KIF2C: variants seen among roughly 807,000 people sequenced by gnomAD.
The protein encoded by KIF2C is kinesin family member 2C.
Under a neutral mutation model 97.4 loss-of-function variants are expected in KIF2C, and 34 were observed. The ratio of observed to expected loss-of-function variants is 0.35; its 90% CI spans 0.27 to 0.46. The LOEUF is 0.46. KIF2C is among the 20% of genes least tolerant of loss of function. The pLI is 1.00. For synonymous variants in KIF2C, 313 were observed against 318.2 expected, an observed-to-expected ratio of 0.98 and a Z score of 0.17; for missense variants, 750 against 907.6, an observed-to-expected ratio of 0.83 and a Z score of 2.23.
At chr1:44,742,022 A>G (rs1648959021) in intron 2 of KIF2C, among the ~76,000 whole-genome samples, 1 of 149,730 alleles carries the variant, frequency 6.7e-6, no homozygotes, top group Admixed American at 6.6e-5. Flanking sequence ...AAAAAAAAGA[A>G]TGGTCCCCTT....
chr1:44,752,922 C>T (rs960931510), intron 5 of KIF2C, among the ~76,000 whole-genome samples: 2 of 152,174 alleles, frequency 1.3e-5, no homozygotes, highest in African/African-American at 4.8e-5. Context: ...GTTCACATAC[C>T]CTTTAAGATA....
intron 19 of KIF2C, among the ~76,000 whole-genome samples, chr1:44,764,585 C>G (rs1256045548): frequency 1.3e-5 from 2 of 152,008 alleles, no homozygotes; most frequent in African/African-American, 4.8e-5. Context: ...TCTCGGCTCA[C>G]CACAACCTCC....
chr1:44,757,722 T>C (rs750381337), intron 11 of KIF2C, 76 bp downstream of exon 11: 49 of 1,202,260 alleles, frequency 4.1e-5, no homozygotes, highest in Non-Finnish European at 5.9e-5. Flanking sequence ...AGACAATGAG[T>C]TTGTTGAGAA....
At chr1:44,752,999 C>A (rs1649606744) in intron 5 of KIF2C, 133 bp from the exon 6 acceptor site, 2 of 1,110,092 alleles carry the variant, frequency 1.8e-6, no homozygotes, top group African/African-American at 3.2e-5. Flanking sequence ...GGGAAAAGCA[C>A]AAGCTCTGCA....
chr1:44,746,014 T>C (rs1218591057), intron 2 of KIF2C, among the ~76,000 whole-genome samples: 2 of 152,048 alleles, frequency 1.3e-5, no homozygotes, highest in African/African-American at 4.8e-5. Context: ...GTAGCTGGGA[T>C]TACAGGTGCA....
chr1:44,750,440 A>G lies in KIF2C; in HGVS notation c.317-2A>G, dbSNP rs1649445736. ...GACTGGCTACTGCTCTCGGTTCTCCAGGTCTTCGAAGCCGCTCCACTCGCA... is the reference window on the plus strand; with the variant it reads ...GACTGGCTACTGCTCTCGGTTCTCCGGGTCTTCGAAGCCGCTCCACTCGCA... On this transcript the variant is annotated splice_acceptor_variant, in intron 4 of 20. Coordinates refer to ENST00000372224, the MANE Select transcript of KIF2C (RefSeq NM_006845.4). LOFTEE classifies it high-confidence loss of function. 1.4e-6 allele frequency: 2 copies of G among 1,463,630 alleles called. No individual in the cohort carries two copies. Among genetic ancestry groups the G allele is most frequent in the Admixed American group, 2.2e-5 (1 of 45,424 alleles). The allele number at this position is 1,463,630 out of a possible 1,614,324, so 90.7% of individuals were successfully genotyped here.
At chr1:44,755,223 G>A (rs1263011152) in intron 8 of KIF2C, among the ~76,000 whole-genome samples, 2 of 152,114 alleles carry the variant, frequency 1.3e-5, no homozygotes, top group African/African-American at 4.8e-5. Flanking sequence ...TTCCCAAAGT[G>A]CTGGGATTAC....
intron 2 of KIF2C, among the ~76,000 whole-genome samples, chr1:44,745,927 A>G (rs1449253580): frequency 5.3e-5 from 8 of 151,422 alleles, no homozygotes; most frequent in Non-Finnish European, 1.0e-4. Flanking sequence ...CCCAGGCTGG[A>G]GTGCAGTGGC....
intron 8 of KIF2C, among the ~76,000 whole-genome samples, 169 bp from the exon 9 acceptor site, chr1:44,755,760 C>T (rs12732939): frequency 0.26 from 39,573 of 152,104 alleles, 6,485 homozygotes; most frequent in African/African-American, 0.46. Flanking sequence ...CCAGTGCTCC[C>T]TTCTTGTGCT....
intron 3 of KIF2C, 80 bp downstream of exon 3, chr1:44,747,565 G>A: frequency 6.4e-7 from 1 of 1,567,284 alleles, no homozygotes; most frequent in Non-Finnish European, 8.7e-7. Flanking sequence ...TTGATTGTCT[G>A]GCATTTTAGC....
chr1:44,764,034 GA>G (rs11292156), intron 19 of KIF2C, among the ~76,000 whole-genome samples: 38,683 of 145,740 alleles, frequency 0.27, 6,284 homozygotes, highest in African/African-American at 0.46. Context: ...CTCCATCTCA[GA>G]AAAAAAAAAA....
chr1:44,747,169 G>A (rs1028598450), intron 2 of KIF2C, among the ~76,000 whole-genome samples: 6 of 151,922 alleles, frequency 3.9e-5, no homozygotes, highest in African/African-American at 1.2e-4. Context: ...TTAGCTGGGC[G>A]TGGTGGCGCA....
intron 5 of KIF2C, 91 bp downstream of exon 5, chr1:44,750,655 T>C (rs1263414936): frequency 1.5e-6 from 2 of 1,313,296 alleles, no homozygotes; most frequent in Admixed American, 5.8e-5. Context: ...GATTCATCCA[T>C]TCCCCCAGCT....
At chr1:44,754,699 G>A (rs979949265) in intron 7 of KIF2C, 51 bp from the exon 8 acceptor site, 2 of 1,063,318 alleles carry the variant, frequency 1.9e-6, no homozygotes, top group Non-Finnish European at 1.5e-6. Flanking sequence ...AGGGGTCTGA[G>A]AGCACTTATA....
chr1:44,765,678 A>T (rs1650420889), intron 19 of KIF2C, among the ~76,000 whole-genome samples: 1 of 151,470 alleles, frequency 6.6e-6, no homozygotes, highest in African/African-American at 2.4e-5. Context: ...ACTAAAAAAT[A>T]AAAAAAAATA....
At chr1:44,758,221 CA>C in intron 13 of KIF2C, 81 bp downstream of exon 13, 6 of 1,242,306 alleles carry the variant, frequency 4.8e-6, no homozygotes, top group East Asian at 2.5e-5. Flanking sequence ...AAGTTGAGGC[CA>C]AAAACCTATT....
At chr1:44,767,060 T>A in intron 20 of KIF2C, 37 bp from the exon 21 acceptor site, 1 of 1,609,944 alleles carries the variant, frequency 6.2e-7, no homozygotes, top group South Asian at 1.1e-5. Context: ...CCTCAGACTC[T>A]CACTAACCCC....
chr1:44,747,726 A>G (rs781363694), intron 4 of KIF2C, 26 bp downstream of exon 4: 5 of 1,598,584 alleles, frequency 3.1e-6, no homozygotes, highest in Middle Eastern at 1.7e-4. Flanking sequence ...CTAGCTTACT[A>G]TCATGGAATT....
At chr1:44,746,603 C>G in intron 2 of KIF2C, 1 of 1,435,362 alleles carries the variant, frequency 7.0e-7, no homozygotes. Flanking sequence ...CCCAGCAGGA[C>G]CTCACTGCCC....
Sources: gnomAD v4.1 joint callset for allele counts (sites outside exome capture counted in the v4.1 genomes callset) on GRCh38, gnomAD v4.1.1 for gene constraint, MANE v1.5 for transcripts, NCBI Gene and HGNC (gene_info 2026-07-23, HGNC 2026-07-21) for gene names.